SLC16A10: variants seen among roughly 807,000 people sequenced by gnomAD.
SLC16A10 encodes monocarboxylate transporter 10.
SLC16A10 carries 27 observed loss-of-function variants against 40.0 expected under a neutral mutation model. That is an observed-to-expected ratio of 0.67 (90% confidence interval 0.50 to 0.93). The LOEUF (loss-of-function observed/expected upper bound fraction) is 0.93, where lower values mean the gene tolerates loss of function less well. SLC16A10 is among the 40% of genes least tolerant of loss of function. The probability of loss-of-function intolerance (pLI) is 0.00; values close to 1 mark genes in which losing one functional copy is unlikely to be tolerated. For missense variants in SLC16A10, 529 were observed against 658.2 expected, an observed-to-expected ratio of 0.80 and a Z score of 2.15; for synonymous variants, 213 against 249.8, an observed-to-expected ratio of 0.85 and a Z score of 1.39.
chr6:111,154,762 G>A (rs1381314234), intron 1 of SLC16A10, among the ~76,000 whole-genome samples: 1 of 152,108 alleles, frequency 6.6e-6, no homozygotes, highest in African/African-American at 2.4e-5. Flanking sequence ...GGAAGCTGAG[G>A]CGGGCAGATC....
intron 1 of SLC16A10, among the ~76,000 whole-genome samples, chr6:111,115,996 A>G (rs1286046827): frequency 1.3e-5 from 2 of 152,198 alleles, no homozygotes; most frequent in Admixed American, 6.5e-5. Context: ...CTTATATCCC[A>G]TAATATTCTT....
chr6:111,108,972 A>G (rs1377678559), intron 1 of SLC16A10, among the ~76,000 whole-genome samples: 2 of 152,232 alleles, frequency 1.3e-5, no homozygotes, highest in Non-Finnish European at 2.9e-5. Context: ...AACTGGAATA[A>G]ATATAAATTA....
intron 3 of SLC16A10, among the ~76,000 whole-genome samples, chr6:111,202,548 G>A (rs1773185004): frequency 1.3e-5 from 2 of 152,028 alleles, no homozygotes; most frequent in African/African-American, 4.8e-5. Flanking sequence ...TAATCCCCTG[G>A]AAGTGTGCAA....
intron 1 of SLC16A10, among the ~76,000 whole-genome samples, chr6:111,103,320 C>T (rs1449729820): frequency 2.0e-5 from 3 of 151,938 alleles, no homozygotes; most frequent in Non-Finnish European, 2.9e-5. Flanking sequence ...TGGGTTCAAG[C>T]GATTCTCCTG....
intron 1 of SLC16A10, among the ~76,000 whole-genome samples, chr6:111,148,949 C>T (rs979272796): frequency 6.6e-6 from 1 of 152,268 alleles, no homozygotes; most frequent in East Asian, 1.9e-4. Context: ...CTCTCCTTTA[C>T]TTATGCTGGC....
chr6:111,204,335 G>A (rs1320157073), intron 3 of SLC16A10, among the ~76,000 whole-genome samples: 1 of 152,180 alleles, frequency 6.6e-6, no homozygotes, highest in Admixed American at 6.5e-5. Context: ...TAACTGAATT[G>A]GGGGGCAGGC....
At chr6:111,092,782 G>A (rs1026746935) in intron 1 of SLC16A10, among the ~76,000 whole-genome samples, 8 of 151,638 alleles carry the variant, frequency 5.3e-5, no homozygotes, top group African/African-American at 1.9e-4. Context: ...GCTCATGCCT[G>A]TAATCCCAGC....
At chr6:111,206,766 A>C in intron 4 of SLC16A10, 31 bp downstream of exon 4, 1 of 1,603,122 alleles carries the variant, frequency 6.2e-7, no homozygotes, top group African/African-American at 1.3e-5. Flanking sequence ...TCCCCTATCA[A>C]AAATTACTCT....
At chr6:111,137,990 C>G (rs1352757491) in intron 1 of SLC16A10, among the ~76,000 whole-genome samples, 1 of 152,240 alleles carries the variant, frequency 6.6e-6, no homozygotes, top group East Asian at 1.9e-4. Flanking sequence ...CCCAGGCGTT[C>G]TAGCCGGCAA....
At chr6:111,188,392 A>G (rs1772936047) in intron 3 of SLC16A10, among the ~76,000 whole-genome samples, 1 of 152,040 alleles carries the variant, frequency 6.6e-6, no homozygotes, top group Non-Finnish European at 1.5e-5. Flanking sequence ...ATAAAGAGTA[A>G]TCACTTTGCT....
At chr6:111,200,233 A>C (rs1481350990) in intron 3 of SLC16A10, among the ~76,000 whole-genome samples, 1 of 152,196 alleles carries the variant, frequency 6.6e-6, no homozygotes, top group African/African-American at 2.4e-5. Flanking sequence ...AAAAGATGTC[A>C]GTCCTTAAAA....
intron 1 of SLC16A10, among the ~76,000 whole-genome samples, chr6:111,161,462 T>C (rs1234195925): frequency 6.6e-6 from 1 of 152,004 alleles, no homozygotes; most frequent in African/African-American, 2.4e-5. Context: ...CTGCTATCAG[T>C]TCTCCCCTCT....
chr6:111,168,213 CA>C (rs1408695673), intron 1 of SLC16A10, among the ~76,000 whole-genome samples: 2 of 152,184 alleles, frequency 1.3e-5, no homozygotes, highest in South Asian at 2.1e-4. Context: ...CTCCTGACCT[CA>C]GGTGATCCAC....
intron 1 of SLC16A10, among the ~76,000 whole-genome samples, chr6:111,106,822 T>C (rs1007436971): frequency 1.3e-5 from 2 of 152,224 alleles, no homozygotes; most frequent in African/African-American, 4.8e-5. Flanking sequence ...TGAAAATACA[T>C]TGATACACTG....
At chr6:111,152,990 A>T (rs141575284) in intron 1 of SLC16A10, among the ~76,000 whole-genome samples, 110 of 152,284 alleles carry the variant, frequency 7.2e-4, no homozygotes, top group African/African-American at 2.3e-3. Context: ...TTAAATGCAC[A>T]GGGTAAAGAA....
intron 1 of SLC16A10, among the ~76,000 whole-genome samples, chr6:111,122,465 C>A (rs760688293): frequency 2.0e-5 from 3 of 152,194 alleles, no homozygotes; most frequent in Non-Finnish European, 4.4e-5. Flanking sequence ...CCTTTGTTCA[C>A]TGTGGGCTGG....
chr6:111,163,814 A>C (rs936073463), intron 1 of SLC16A10, among the ~76,000 whole-genome samples: 3 of 152,188 alleles, frequency 2.0e-5, no homozygotes, highest in South Asian at 4.1e-4. Context: ...ATGACTCAAA[A>C]ATTTTTAAAA....
At chr6:111,172,078 A>G (rs1441964068) in intron 1 of SLC16A10, among the ~76,000 whole-genome samples, 1 of 152,234 alleles carries the variant, frequency 6.6e-6, no homozygotes, top group South Asian at 2.1e-4. Flanking sequence ...ACTGAAGTTT[A>G]TATACACTTT....
At chr6:111,129,534 C>T (rs1228858557) in intron 1 of SLC16A10, among the ~76,000 whole-genome samples, 2 of 152,196 alleles carry the variant, frequency 1.3e-5, no homozygotes, top group South Asian at 2.1e-4. Context: ...AAGTTCTTGA[C>T]AAATGCTATT....
Sources: allele counts gnomAD v4.1 joint callset (sites outside exome capture counted in the v4.1 genomes callset), GRCh38; gene constraint gnomAD v4.1.1; transcripts MANE v1.5; gene names NCBI Gene and HGNC (gene_info 2026-07-23, HGNC 2026-07-21).